The following CIITA variants were observed in gnomAD, a reference collection of about 807,000 sequenced individuals.
CIITA encodes class II major histocompatibility complex transactivator.
A neutral mutation model predicts 115.1 loss-of-function variants in CIITA; 72 were observed. The ratio of observed to expected loss-of-function variants is 0.63; its 90% confidence interval spans 0.52 to 0.76. CIITA has a LOEUF of 0.76. CIITA is among the 30% of genes least tolerant of loss of function. CIITA has a pLI of 0.00. For missense variants in CIITA, 1,617 were observed against 1,463.8 expected (o/e 1.10, Z -1.71); for synonymous variants, 763 against 635.6 (o/e 1.20, Z -3.02).
chr16:10,885,622 G>GCTT (rs1275280001), intron 1 of CIITA, among the ~76,000 whole-genome samples: 1 of 152,162 alleles, frequency 6.6e-6, no homozygotes, highest in Admixed American at 6.5e-5. Flanking sequence ...AGAGTGAGGG[G>GCTT]CTTCTTCCTC....
chr16:10,891,959 T>C (rs921383719), intron 1 of CIITA, among the ~76,000 whole-genome samples: 2 of 152,178 alleles, frequency 1.3e-5, no homozygotes, highest in Non-Finnish European at 2.9e-5. Context: ...GGAAAGATCA[T>C]TCTCTGTGAC....
At position 10,923,160 on chromosome 16, in the gene CIITA, G is replaced by A; in HGVS notation, c.3318-68G>A. On this transcript the variant is annotated intron_variant, in intron 18 of 19. Coordinates refer to ENST00000324288, the MANE Select transcript of CIITA (RefSeq NM_000246.4). The surrounding 1 kb of genome is among the most constrained non-coding windows in gnomAD (Gnocchi z 5.2). ...GGGTGGAAGGAGGGATTTGGGGGCA[G>A]CTGTCACTGGGGCCCCAGGCCGCCC... 3 of 1,329,390 alleles carry A rather than the reference G, an allele frequency of 2.3e-6. No homozygotes were observed. Among genetic ancestry groups the A allele is most frequent in the Non-Finnish European group, 2.2e-6 (2 of 928,222 alleles). 82.3% of individuals were successfully genotyped at this position (1,329,390 alleles called of 1,614,324 possible).
chr16:10,889,061 G>A (rs1465845393), intron 1 of CIITA, among the ~76,000 whole-genome samples: 5 of 152,194 alleles, frequency 3.3e-5, no homozygotes, highest in African/African-American at 7.2e-5. Context: ...TCATTGCCAC[G>A]GATGAAGAGA....
Position 10,907,671 on chromosome 16 carries a change from G to A in CIITA, c.2179G>A (p.Glu727Lys), listed in dbSNP as rs548646642. The A allele has an allele frequency of 8.1e-6, 13 of 1,614,070 alleles. No individual in the cohort carries two copies. Among genetic ancestry groups the A allele is most frequent in the Admixed American group, 1.7e-5 (1 of 60,000 alleles). Residue 727 changes from glutamate (E) to lysine (K), a missense_variant, in exon 11 of 20, where the codon GAA (glutamate) becomes AAA (lysine). Coordinates refer to ENST00000324288, the MANE Select transcript of CIITA (RefSeq NM_000246.4). This position sits in a 1 kb window ranked among gnomAD's most constrained non-coding sequence, Gnocchi z 5.0. Reference protein sequence around the residue: ...LGALWLALSGEIKDKELPQYL... With the variant: ...LGALWLALSGKIKDKELPQYL... Reference sequence around the variant, plus strand: ...GGCCCTGTGGCTGGCTCTGAGTGGCGAAATCAAGGACAAGGAGCTCCCGCA... The same window carrying A: ...GGCCCTGTGGCTGGCTCTGAGTGGCAAAATCAAGGACAAGGAGCTCCCGCA...
upstream of CIITA, among the ~76,000 whole-genome samples, chr16:10,876,627 G>A (rs113425017): frequency 5.9e-5 from 9 of 152,310 alleles, no homozygotes; most frequent in East Asian, 1.9e-4. Context: ...TCACTTTGGC[G>A]GGTCACCCCA....
intron 1 of CIITA, among the ~76,000 whole-genome samples, chr16:10,886,450 T>G (rs2143871365): frequency 6.6e-6 from 1 of 152,322 alleles, no homozygotes; most frequent in South Asian, 2.1e-4. Flanking sequence ...CTCAGATGGG[T>G]TCTCCTGGGG....
At chr16:10,877,541 T>C (rs768650436) in intron 1 of CIITA, among the ~76,000 whole-genome samples, 159 bp downstream of exon 1, 1 of 151,764 alleles carries the variant, frequency 6.6e-6, no homozygotes, top group Non-Finnish European at 1.5e-5. Flanking sequence ...TGTGAAAGAG[T>C]TGTCTATTTC....
In CIITA at chr16:10,934,729, C is replaced by T. The variant is rs1397683291; in HGVS notation, c.*10874C>T. 1 of 152,148 alleles carries T rather than the reference C, an allele frequency of 6.6e-6. No homozygotes were observed. Among genetic ancestry groups the T allele is most frequent in the Non-Finnish European group, 1.5e-5 (1 of 68,036 alleles). 9.4% of individuals were successfully genotyped at this position (152,148 alleles called of 1,614,324 possible). ...GGAGAGGCAGTTATTTTTAACCACC[C>T]AGCCAAGCCCCTTGCCAGGAGGGAC... On this transcript the variant is annotated 3_prime_UTR_variant, in exon 20 of 20. Transcript: ENST00000324288. The surrounding 1 kb of genome is among the most constrained non-coding windows in gnomAD (Gnocchi z 4.2).
Position 10,921,234 on chromosome 16 carries a change from T to C in CIITA, c.3150-933T>C, listed in dbSNP as rs148721312. Among the ~76,000 whole-genome samples the C allele has an allele frequency of 2.3e-3, 344 of 152,358 alleles. 3 individuals carry two copies. The highest frequency in any genetic ancestry group is 7.9e-3 in the African/African-American group (327 of 41,588). ...TGGCAAAGTCATGGCCCTGAAATCA[T>C]ACCCGCAGCAGCACCTGACCTGTTA... On this transcript the variant is annotated intron_variant, in intron 16 of 19. Coordinates refer to ENST00000324288, the MANE Select transcript of CIITA (RefSeq NM_000246.4).
Position 10,879,439 on chromosome 16 carries a change from AG to A in CIITA, c.52+2060del, listed in dbSNP as rs538538704. Among the ~76,000 whole-genome samples the A allele has an allele frequency of 4.2e-4, 64 of 152,348 alleles. No homozygotes were observed. Among genetic ancestry groups the A allele is most frequent in the Middle Eastern group, 3.4e-3 (1 of 294 alleles). The stretch of plus-strand genomic sequence containing the variant: ...CTTCTTGTACGCCAGACTTTGGACC[AG>A]GGCCGCCGTTCCCTGAGCTTCACTT... On this transcript the variant is annotated intron_variant, in intron 1 of 19. Coordinates refer to ENST00000324288, the MANE Select transcript of CIITA (RefSeq NM_000246.4). This position sits in a 1 kb window ranked among gnomAD's most constrained non-coding sequence, Gnocchi z 4.3.
chr16:10,936,872 G>C (rs1279202237), downstream of CIITA: 1 of 152,298 alleles, frequency 6.6e-6, no homozygotes, highest in Middle Eastern at 3.4e-3. Context: ...GTGATCTTAG[G>C]TTTCCCAAAA....
intron 13 of CIITA, among the ~76,000 whole-genome samples, chr16:10,911,788 C>G (rs1412589509): frequency 1.3e-5 from 2 of 151,870 alleles, no homozygotes; most frequent in East Asian, 1.9e-4. Flanking sequence ...TGGGCTCAAG[C>G]AATCCTCCCA....
At chr16:10,876,471 A>G (rs905789480), upstream of CIITA, among the ~76,000 whole-genome samples, 4 of 152,234 alleles carry the variant, frequency 2.6e-5, no homozygotes, top group East Asian at 1.9e-4. Context: ...GCTGCTTTCT[A>G]TAAAACAGAG....
At position 10,901,814 on chromosome 16, in the gene CIITA, C is replaced by G; in HGVS notation, c.482-224C>G. On this transcript the variant is annotated intron_variant, in intron 6 of 19. Coordinates refer to ENST00000324288, the MANE Select transcript of CIITA (RefSeq NM_000246.4). This position sits in a 1 kb window ranked among gnomAD's most constrained non-coding sequence, Gnocchi z 6.8. ...CTGCCCCAGCTCTCCGTGTGGAGGC[C>G]CTAGGGTCCTGCTCAGCATAGCTCT... 1 of 715,478 alleles carries G rather than the reference C, an allele frequency of 1.4e-6. No individual in the cohort carries two copies. Among genetic ancestry groups the G allele is most frequent in the South Asian group, 1.7e-5 (1 of 58,094 alleles). 44.3% of individuals were successfully genotyped at this position (715,478 alleles called of 1,614,324 possible). A position where few individuals can be genotyped will look rare whatever the true frequency, so the allele number is the denominator to read the frequency against.
chr16:10,866,278 C>A, exon 1 of CIITA: 1 of 560,134 alleles, frequency 1.8e-6, no homozygotes, highest in Non-Finnish European at 3.5e-6. Context: ...TGCCCTGACT[C>A]CAAGGGCTGC....
intron 1 of CIITA, among the ~76,000 whole-genome samples, chr16:10,892,112 T>A (rs1289129079): frequency 6.6e-6 from 1 of 151,920 alleles, no homozygotes; most frequent in Admixed American, 6.6e-5. Context: ...TCACCTGAGG[T>A]CGGGAGTTCG....
intron 1 of CIITA, among the ~76,000 whole-genome samples, chr16:10,889,318 C>A (rs368417028): frequency 1.1e-4 from 17 of 152,098 alleles, no homozygotes; most frequent in East Asian, 7.7e-4. Context: ...GGTCCCATGC[C>A]AAGATTCAAG....
At chr16:10,878,464 G>A (rs896821273) in intron 1 of CIITA, among the ~76,000 whole-genome samples, 2 of 152,226 alleles carry the variant, frequency 1.3e-5, no homozygotes, top group Non-Finnish European at 1.5e-5. Context: ...CCACGGCTGG[G>A]GGTGTGGTCA....
Position 10,909,108 on chromosome 16 carries a change from G to C in CIITA, c.2737G>C (p.Glu913Gln). The C allele has an allele frequency of 6.2e-7, 1 of 1,614,238 alleles. No individual in the cohort carries two copies. The highest frequency in any genetic ancestry group is 8.5e-7 in the Non-Finnish European group (1 of 1,180,050). ...GETKLLQAAE[E>Q]KFTIEPFKAK... ...GACCAAGCTACTTCAGGCAGCAGAGGAGAAGTTCACCATCGAGCCTTTCAA... is the reference window on the plus strand; with the variant it reads ...GACCAAGCTACTTCAGGCAGCAGAGCAGAAGTTCACCATCGAGCCTTTCAA... Residue 913 changes from glutamate (E) to glutamine (Q), a missense_variant, in exon 12 of 20, where the codon GAG becomes CAG. Coordinates refer to ENST00000324288, the MANE Select transcript of CIITA (RefSeq NM_000246.4).
Sources: allele counts gnomAD v4.1 joint callset (sites outside exome capture counted in the v4.1 genomes callset), GRCh38; gene constraint gnomAD v4.1.1; non-coding constraint Gnocchi (gnomAD v3.1); transcripts MANE v1.5; gene names NCBI Gene and HGNC (gene_info 2026-07-23, HGNC 2026-07-21).